Variants in PLXNA2 observed in about 807,000 individuals in gnomAD.
PLXNA2 encodes the protein plexin A2, also known as plexin-A2.
Under a neutral mutation model 193.5 loss-of-function variants are expected in PLXNA2, and 91 were observed. That is an observed-to-expected ratio of 0.47 (90% CI 0.40 to 0.56). PLXNA2 has a LOEUF of 0.56. Ranked by LOEUF, PLXNA2 falls within the 20% of genes least tolerant of loss-of-function variation. The probability of loss-of-function intolerance (pLI) is 0.00; values close to 1 mark genes in which losing one functional copy is unlikely to be tolerated. For missense variants in PLXNA2, 1,995 were observed against 2,503.2 expected, an observed-to-expected ratio of 0.80 and a Z score of 4.33; for synonymous variants, 997 against 1,027.3, an observed-to-expected ratio of 0.97 and a Z score of 0.56.
At chr1:208,150,245 A>G (rs375223996) in intron 3 of PLXNA2, among the ~76,000 whole-genome samples, 11 of 152,268 alleles carry the variant, frequency 7.2e-5, no homozygotes, top group East Asian at 3.9e-4. Context: ...CTGGTCCCCA[A>G]TGAGTTGTTG....
At chr1:208,113,674 T>A (rs1271010631) in intron 4 of PLXNA2, among the ~76,000 whole-genome samples, 1 of 149,934 alleles carries the variant, frequency 6.7e-6, no homozygotes, top group Non-Finnish European at 1.5e-5. Context: ...CTCAGCCTCC[T>A]GAGTAGCTGA....
chr1:208,092,484 G>T (rs986055159), intron 9 of PLXNA2, among the ~76,000 whole-genome samples: 2 of 152,234 alleles, frequency 1.3e-5, no homozygotes, highest in Non-Finnish European at 2.9e-5. Context: ...CTAGACCAGG[G>T]AGTCTGTTTG....
chr1:208,029,459 G>A, intron 29 of PLXNA2: 8 of 1,010,708 alleles, frequency 7.9e-6, no homozygotes, highest in Middle Eastern at 5.0e-4. Flanking sequence ...AGGCAGCCAG[G>A]AGCCCCAGGC....
At chr1:208,100,114 C>T (rs911708808) in intron 5 of PLXNA2, among the ~76,000 whole-genome samples, 2 of 152,064 alleles carry the variant, frequency 1.3e-5, no homozygotes, top group African/African-American at 4.8e-5. Flanking sequence ...TGGCTCACAC[C>T]TGTAATCCCA....
At position 208,096,370 on chromosome 1, in the gene PLXNA2, C is replaced by G. The variant is rs190675912; in HGVS notation, c.1886-245G>C. 1.6e-4 allele frequency among the ~76,000 whole-genome samples: 25 copies of G among 152,222 alleles called. No homozygotes were observed. In the East Asian group the frequency reaches 4.6e-3, roughly 28 times the overall value. Reference sequence around the variant, plus strand: ...AGGAAGAAGCAGATTCCACGGAGCCCCTTGCCTTTGTCAGTCATGTTCCAT... The same window carrying G: ...AGGAAGAAGCAGATTCCACGGAGCCGCTTGCCTTTGTCAGTCATGTTCCAT... On this transcript the variant is annotated intron_variant, in intron 7 of 31. Transcript: ENST00000367033.
chr1:208,144,242 A>T (rs1668540589), intron 3 of PLXNA2, among the ~76,000 whole-genome samples: 1 of 152,164 alleles, frequency 6.6e-6, no homozygotes, highest in South Asian at 2.1e-4. Flanking sequence ...CAACAAGTAC[A>T]CTAGCATGGA....
At chr1:208,220,735 C>A (rs1671303490) in intron 1 of PLXNA2, among the ~76,000 whole-genome samples, 1 of 152,098 alleles carries the variant, frequency 6.6e-6, no homozygotes, top group African/African-American at 2.4e-5. Context: ...AGCCACTGCA[C>A]CTGGCCTGTT....
At chr1:208,040,377 G>A in intron 22 of PLXNA2, 1 of 325,118 alleles carries the variant, frequency 3.1e-6, no homozygotes, top group Non-Finnish European at 5.7e-6. Flanking sequence ...ATCCCACAGG[G>A]CTATAAAGAA....
Position 208,210,265 on chromosome 1 carries a change from C to G in PLXNA2, c.1371+15G>C. 2 of 1,613,612 alleles carry G rather than the reference C, an allele frequency of 1.2e-6. No individual in the cohort carries two copies. The highest frequency in any genetic ancestry group is 1.7e-6 in the Non-Finnish European group (2 of 1,179,764). ...GGTGAATGGCATTGGAGCATCTGAA[C>G]TCATAGACTCTTACCTTTTTCAGCT... On this transcript the variant is annotated intron_variant, in intron 3 of 31. Coordinates refer to ENST00000367033, the MANE Select transcript of PLXNA2 (RefSeq NM_025179.4).
At position 208,236,433 on chromosome 1, in the gene PLXNA2, C is replaced by T. The variant is rs1345340749; in HGVS notation, c.-81+7210G>A. Among the ~76,000 whole-genome samples the T allele has an allele frequency of 2.0e-5, 3 of 152,174 alleles. No individual in the cohort carries two copies. The highest frequency in any genetic ancestry group is 7.2e-5 in the African/African-American group (3 of 41,424). On this transcript the variant is annotated intron_variant, in intron 1 of 31. Transcript: ENST00000367033. This position sits in a 1 kb window ranked among gnomAD's most constrained non-coding sequence, Gnocchi z 4.4. The stretch of plus-strand genomic sequence containing the variant: ...CACTTCTGTCTGCCCGCTGGTCCTG[C>T]TGCCTCTATAAGGCAAGGCAGGGCT...
rs1333670147 is a variant in PLXNA2, at chr1:208,025,033, C to A, written c.*2210G>T. ...GAAGGCCAGTCATTAGTATTTCCTT[C>A]AGGCTACTAATAGGGCCTGAGAAAC... On this transcript the variant is annotated 3_prime_UTR_variant, in exon 32 of 32. Coordinates refer to ENST00000367033, the MANE Select transcript of PLXNA2 (RefSeq NM_025179.4). The A allele has an allele frequency of 6.6e-6, 1 of 152,646 alleles. No homozygotes were observed. The highest frequency in any genetic ancestry group is 6.5e-5 in the Admixed American group (1 of 15,288). 9.5% of individuals were successfully genotyped at this position (152,646 alleles called of 1,614,324 possible).
At chr1:208,224,945 G>A (rs1202901620) in intron 1 of PLXNA2, among the ~76,000 whole-genome samples, 1 of 152,178 alleles carries the variant, frequency 6.6e-6, no homozygotes, top group Non-Finnish European at 1.5e-5. Flanking sequence ...CAATAACCAA[G>A]GAGTAAGAGA....
At chr1:208,210,713 C>G (rs925239269) in intron 2 of PLXNA2, among the ~76,000 whole-genome samples, 1 of 152,210 alleles carries the variant, frequency 6.6e-6, no homozygotes, top group African/African-American at 2.4e-5. Flanking sequence ...TCACCTGTAT[C>G]TACCTTTCTG....
intron 4 of PLXNA2, among the ~76,000 whole-genome samples, chr1:208,108,056 G>A (rs549353220): frequency 2.8e-4 from 43 of 152,262 alleles, no homozygotes; most frequent in African/African-American, 9.9e-4. Flanking sequence ...GGGGCCCCGC[G>A]TCTCTGGTGC....
chr1:208,074,040 G>A (rs1666060041), intron 12 of PLXNA2, among the ~76,000 whole-genome samples: 3 of 152,200 alleles, frequency 2.0e-5, no homozygotes, highest in African/African-American at 7.2e-5. Flanking sequence ...GCAGCCCTAG[G>A]AAACTGATAC....
intron 3 of PLXNA2, among the ~76,000 whole-genome samples, chr1:208,149,696 A>G (rs74733503): frequency 0.061 from 9,213 of 152,034 alleles, 321 homozygotes; most frequent in Non-Finnish European, 0.075. Flanking sequence ...GGAGTTGAGC[A>G]TTTGGTGCTG....
intron 1 of PLXNA2, among the ~76,000 whole-genome samples, chr1:208,233,361 T>C (rs1474802482): frequency 6.6e-6 from 1 of 152,242 alleles, no homozygotes; most frequent in Non-Finnish European, 1.5e-5. Flanking sequence ...TGAAGCTTTC[T>C]ATTTTTCTCT....
At chr1:208,193,876 GAC>G (rs1257552907) in intron 3 of PLXNA2, among the ~76,000 whole-genome samples, 2 of 152,070 alleles carry the variant, frequency 1.3e-5, no homozygotes, top group African/African-American at 4.8e-5. Context: ...CAGCTGGGGT[GAC>G]AGAGTGGGAC....
chr1:208,218,912 G>A lies in PLXNA2; in HGVS notation c.-80-910C>T, dbSNP rs1671232437. Among the ~76,000 whole-genome samples the A allele has an allele frequency of 2.6e-5, 4 of 152,202 alleles. No individual in the cohort carries two copies. The South Asian group carries it at 8.3e-4, about 32-fold the overall frequency. On this transcript the variant is annotated intron_variant, in intron 1 of 31. Transcript: ENST00000367033. The stretch of plus-strand genomic sequence containing the variant: ...ACAGAGAACCAGTCTCCTTGCTAGG[G>A]GTTACTGGCTGGCTGAGTCCAGCTT...
Sources: gnomAD v4.1 joint callset for allele counts (sites outside exome capture counted in the v4.1 genomes callset) on GRCh38, gnomAD v4.1.1 for gene constraint, Gnocchi (gnomAD v3.1) non-coding constraint, MANE v1.5 for transcripts, NCBI Gene and HGNC (gene_info 2026-07-23, HGNC 2026-07-21) for gene names.